ATRNL1: variants seen among roughly 807,000 people sequenced by gnomAD.
ATRNL1 encodes the protein attractin like 1, also known as attractin-like protein 1.
A neutral mutation model predicts 182.7 loss-of-function variants in ATRNL1; 95 were observed. That is an observed-to-expected ratio of 0.52 (90% CI 0.44 to 0.62). The LOEUF (loss-of-function observed/expected upper bound fraction) is 0.62, where lower values mean the gene tolerates loss of function less well. Ranked by LOEUF, ATRNL1 falls within the 20% of genes least tolerant of loss-of-function variation. The pLI, the probability that ATRNL1 is intolerant of heterozygous loss-of-function variation, is 0.00. For missense variants in ATRNL1, 1,471 were observed against 1,679.5 expected (o/e 0.88, Z 2.17); for synonymous variants, 576 against 568.3 (o/e 1.01, Z -0.19).
At chr10:115,269,389 C>T (rs897624392) in intron 13 of ATRNL1, among the ~76,000 whole-genome samples, 7 of 152,138 alleles carry the variant, frequency 4.6e-5, no homozygotes, top group African/African-American at 1.7e-4. Flanking sequence ...GGCTGGAATG[C>T]AGTGGCATGA....
intron 26 of ATRNL1, among the ~76,000 whole-genome samples, chr10:115,661,462 A>G (rs192596841): frequency 1.2e-4 from 19 of 152,328 alleles, no homozygotes; most frequent in African/African-American, 4.3e-4. Flanking sequence ...CAAATTAAAG[A>G]ATCTACATTA....
At chr10:115,906,807 T>C (rs1952517096) in intron 28 of ATRNL1, among the ~76,000 whole-genome samples, 2 of 152,110 alleles carry the variant, frequency 1.3e-5, no homozygotes. Flanking sequence ...TTCGTAAATT[T>C]TGAACAAATA....
In ATRNL1 at chr10:115,743,553, G is replaced by T. The variant is rs573632916; in HGVS notation, c.3903+16198G>T. ...GCAACAGTGAAGCATTGAGGATATA[G>T]AAATTATGTAGGAGCACAGTCCCTA... On this transcript the variant is annotated intron_variant, in intron 27 of 28. Coordinates refer to ENST00000355044, the MANE Select transcript of ATRNL1 (RefSeq NM_207303.4). Among the ~76,000 whole-genome samples, 53 of 152,264 alleles carry T rather than the reference G, an allele frequency of 3.5e-4. 1 individual carries two copies. In the South Asian group the frequency reaches 0.011, roughly 31 times the overall value.
At chr10:115,774,941 A>T (rs1949086078) in intron 27 of ATRNL1, among the ~76,000 whole-genome samples, 1 of 152,040 alleles carries the variant, frequency 6.6e-6, no homozygotes, top group African/African-American at 2.4e-5. Flanking sequence ...AAAGGAAGTT[A>T]AATAAAAGAA....
At position 115,341,796 on chromosome 10, in the gene ATRNL1, G is replaced by A. The variant is rs888551192; in HGVS notation, c.3175+7377G>A. Reference sequence around the variant, plus strand: ...TTCTTTGTCTATTCTTTTGTTTTTCGTCTTGAAATCTGTTTTGTTTGATGT... The same window carrying A: ...TTCTTTGTCTATTCTTTTGTTTTTCATCTTGAAATCTGTTTTGTTTGATGT... On this transcript the variant is annotated intron_variant, in intron 19 of 28. Coordinates refer to ENST00000355044, the MANE Select transcript of ATRNL1 (RefSeq NM_207303.4). 8.6e-5 allele frequency among the ~76,000 whole-genome samples: 13 copies of A among 151,710 alleles called. 1 individual carries two copies. The highest frequency in any genetic ancestry group is 2.1e-4 in the South Asian group (1 of 4,806).
chr10:115,922,182 T>C (rs1000726957), intron 28 of ATRNL1, among the ~76,000 whole-genome samples: 9 of 152,194 alleles, frequency 5.9e-5, no homozygotes, highest in Admixed American at 5.9e-4. Flanking sequence ...GTATGGACAG[T>C]TTGACATTGT....
At chr10:115,535,294 G>A (rs1851903932) in intron 25 of ATRNL1, among the ~76,000 whole-genome samples, 1 of 152,102 alleles carries the variant, frequency 6.6e-6, no homozygotes, top group Admixed American at 6.5e-5. Flanking sequence ...TTTCTTGGAG[G>A]CTTTGTTCGT....
intron 28 of ATRNL1, among the ~76,000 whole-genome samples, chr10:115,909,739 G>C (rs1555115476): frequency 1.3e-5 from 2 of 151,704 alleles, no homozygotes; most frequent in South Asian, 4.2e-4. Flanking sequence ...AGAAAGGGGA[G>C]GACATATACT....
At chr10:115,898,498 A>G (rs1039855925) in intron 28 of ATRNL1, among the ~76,000 whole-genome samples, 14 of 152,128 alleles carry the variant, frequency 9.2e-5, no homozygotes, top group African/African-American at 3.4e-4. Flanking sequence ...TGGCAGTGCT[A>G]CTGTGTGCCT....
intron 27 of ATRNL1, among the ~76,000 whole-genome samples, chr10:115,737,046 G>A (rs149807640): frequency 1.3e-5 from 2 of 152,102 alleles, no homozygotes; most frequent in African/African-American, 4.8e-5. Context: ...ACCCTCTCCA[G>A]TTTTATCTGG....
chr10:115,284,375 G>C (rs574965844), intron 14 of ATRNL1, among the ~76,000 whole-genome samples: 2 of 152,138 alleles, frequency 1.3e-5, no homozygotes, highest in Non-Finnish European at 2.9e-5. Flanking sequence ...AGAAAAAACC[G>C]TAATTTAAGA....
At chr10:115,380,896 A>G (rs929564537) in intron 19 of ATRNL1, among the ~76,000 whole-genome samples, 2 of 152,206 alleles carry the variant, frequency 1.3e-5, no homozygotes, top group Admixed American at 6.5e-5. Context: ...TCTTTGGTAT[A>G]TATTTCTAGA....
intron 26 of ATRNL1, among the ~76,000 whole-genome samples, chr10:115,699,310 C>A (rs1462867195): frequency 1.3e-5 from 2 of 151,902 alleles, no homozygotes; most frequent in Non-Finnish European, 2.9e-5. Context: ...CATGGAAAAG[C>A]AAAGTATCAA....
chr10:115,604,811 A>G (rs1188004790), intron 26 of ATRNL1, among the ~76,000 whole-genome samples: 3 of 152,122 alleles, frequency 2.0e-5, no homozygotes, highest in Non-Finnish European at 4.4e-5. Context: ...CCACTTTTCT[A>G]GTTATTTATG....
intron 25 of ATRNL1, among the ~76,000 whole-genome samples, chr10:115,522,626 T>C (rs1851002633): frequency 6.6e-6 from 1 of 152,176 alleles, no homozygotes; most frequent in African/African-American, 2.4e-5. Context: ...AATATAATCA[T>C]TTAATCCCAA....
intron 26 of ATRNL1, among the ~76,000 whole-genome samples, chr10:115,649,132 C>T (rs944048003): frequency 2.6e-5 from 4 of 152,026 alleles, no homozygotes; most frequent in African/African-American, 7.2e-5. Flanking sequence ...TTTATAGTGA[C>T]GCTTTGTTTT....
intron 1 of ATRNL1, among the ~76,000 whole-genome samples, chr10:115,109,231 T>C (rs780754588): frequency 6.6e-6 from 1 of 152,204 alleles, no homozygotes; most frequent in Non-Finnish European, 1.5e-5. Context: ...TTTTCAGATA[T>C]TTGATAAAGC....
intron 27 of ATRNL1, among the ~76,000 whole-genome samples, chr10:115,769,690 C>T (rs1029286781): frequency 3.3e-5 from 5 of 152,028 alleles, no homozygotes; most frequent in East Asian, 1.9e-4. Flanking sequence ...TGGCTGATTT[C>T]GGCCAAATTA....
At chr10:115,560,018 T>G (rs1457846105) in intron 26 of ATRNL1, among the ~76,000 whole-genome samples, 1 of 152,192 alleles carries the variant, frequency 6.6e-6, no homozygotes, top group Non-Finnish European at 1.5e-5. Flanking sequence ...CTGTTAGAAC[T>G]AATACACAAT....
Sources: allele counts gnomAD v4.1 joint callset (sites outside exome capture counted in the v4.1 genomes callset), GRCh38; gene constraint gnomAD v4.1.1; transcripts MANE v1.5; gene names NCBI Gene and HGNC (gene_info 2026-07-23, HGNC 2026-07-21).